IL31RA: variants seen among roughly 807,000 people sequenced by gnomAD.
IL31RA encodes interleukin 31 receptor A.
A neutral mutation model predicts 83.7 loss-of-function variants in IL31RA; 66 were observed. The ratio of observed to expected loss-of-function variants is 0.79; its 90% CI spans 0.65 to 0.97. The LOEUF is 0.97. IL31RA is among the 50% of genes least tolerant of loss of function. IL31RA has a pLI of 0.00. For synonymous variants in IL31RA, 325 were observed against 329.0 expected (o/e 0.99, Z 0.13); for missense variants, 798 against 919.4 (o/e 0.87, Z 1.71).
chr5:55,912,344 C>T (rs1425295909), intron 12 of IL31RA, among the ~76,000 whole-genome samples: 1 of 152,220 alleles, frequency 6.6e-6, no homozygotes, highest in Non-Finnish European at 1.5e-5. Flanking sequence ...TTTCCTACTG[C>T]TTTCTGCCTC....
chr5:55,902,001 T>C (rs1748849873), intron 8 of IL31RA, among the ~76,000 whole-genome samples: 1 of 152,190 alleles, frequency 6.6e-6, no homozygotes, highest in African/African-American at 2.4e-5. Flanking sequence ...AAATACACTT[T>C]AAAGTTATGC....
intron 2 of IL31RA, among the ~76,000 whole-genome samples, chr5:55,865,219 TG>T (rs1745974430): frequency 6.6e-6 from 1 of 152,232 alleles, no homozygotes; most frequent in African/African-American, 2.4e-5. Context: ...CAGTTAACTT[TG>T]GTCTTTTTAA....
chr5:55,883,432 A>T (rs1417356014), intron 5 of IL31RA, among the ~76,000 whole-genome samples: 2 of 152,202 alleles, frequency 1.3e-5, no homozygotes, highest in East Asian at 3.8e-4. Context: ...AAAGAGTGAG[A>T]AATTTACTTC....
At position 55,896,404 on chromosome 5, in the gene IL31RA, G is replaced by A. The variant is rs1245564977; in HGVS notation, c.827G>A (p.Arg276Lys). 1.2e-6 allele frequency: 2 copies of A among 1,613,406 alleles called. No homozygotes were observed. Among genetic ancestry groups the A allele is most frequent in the African/African-American group, 2.7e-5 (2 of 74,880 alleles). ...CTGAAACCAGCTGAGGCGGATGGAA[G>A]AAGGCCAGTGCGGTTGTTATGGAAG... is the stretch of plus-strand genomic sequence containing the variant. ...RVLKPAEADGRRPVRLLWKKA... is the reference protein window; with the variant it reads ...RVLKPAEADGKRPVRLLWKKA... The change falls in exon 7 of 15, where the codon AGA becomes AAA. Residue 276 changes from arginine (R) to lysine (K), a missense_variant. Transcript: ENST00000652347.
intron 1 of IL31RA, among the ~76,000 whole-genome samples, chr5:55,858,207 T>C (rs929291281): frequency 2.0e-5 from 3 of 152,222 alleles, no homozygotes; most frequent in African/African-American, 7.2e-5. Flanking sequence ...AGTTTTAGCA[T>C]CTATTATTAT....
At chr5:55,854,066 G>A (rs371678305) in intron 1 of IL31RA, among the ~76,000 whole-genome samples, 4 of 152,276 alleles carry the variant, frequency 2.6e-5, no homozygotes, top group Admixed American at 6.5e-5. Context: ...TTCCATATCC[G>A]TAAACTAGAG....
rs760721501 is a variant in IL31RA at position 55,918,900 on chromosome 5, A to C, written c.*1780A>C. Among the ~76,000 whole-genome samples the C allele has an allele frequency of 4.6e-5, 7 of 152,222 alleles. No individual in the cohort carries two copies. The highest frequency in any genetic ancestry group is 2.9e-5 in the Non-Finnish European group (2 of 67,996). ...GCCCGAGGCAGGGCACTGGGGAATA[A>C]GACTCTAGGGCAATGCCCCTGTCCC... On this transcript the variant is annotated 3_prime_UTR_variant, in exon 15 of 15. Transcript: ENST00000652347.
Position 55,913,546 on chromosome 5 carries a change from T to C in IL31RA, c.1712T>C (p.Val571Ala), listed in dbSNP as rs754796886. Reference protein sequence around the residue: ...GGLLILIILTVAYGLKKPNKL... With the variant: ...GGLLILIILTAAYGLKKPNKL... ...CTTCTTATTCTCATTATCCTGACAG[T>C]GGCATATGGTCTCAAAAAACCCAAG... The change falls in exon 13 of 15, where the codon GTG (valine) becomes GCG (alanine). Residue 571 changes from valine to alanine, a missense_variant. Transcript: ENST00000652347. The C allele has an allele frequency of 6.2e-7, 1 of 1,612,716 alleles. No homozygotes were observed. The highest frequency in any genetic ancestry group is 1.1e-5 in the South Asian group (1 of 91,048).
At chr5:55,845,104 G>A in the IL31RA span, among the ~76,000 whole-genome samples, 213 of 152,236 alleles carry the variant, frequency 1.4e-3, 1 homozygote, top group Middle Eastern at 0.017. Context: ...CCATATCAGG[G>A]TCTGGTTGTG....
At chr5:55,882,461 CAA>C (rs199529922) in intron 4 of IL31RA, among the ~76,000 whole-genome samples, 3,065 of 152,104 alleles carry the variant, frequency 0.02, 116 homozygotes, top group African/African-American at 0.07. Flanking sequence ...GGAAATATAA[CAA>C]AATGGTAATA....
chr5:55,851,000 C>T (rs1745041167), upstream of IL31RA, among the ~76,000 whole-genome samples: 1 of 151,722 alleles, frequency 6.6e-6, no homozygotes, highest in Non-Finnish European at 1.5e-5. Flanking sequence ...TGGCCTGAGG[C>T]AGGAGAATCA....
chr5:55,856,829 A>G (rs958954035), intron 1 of IL31RA, among the ~76,000 whole-genome samples: 7 of 152,164 alleles, frequency 4.6e-5, no homozygotes, highest in Admixed American at 3.3e-4. Context: ...TTAACCATCA[A>G]TATTTTACAT....
intron 1 of IL31RA, 128 bp from the exon 2 acceptor site, chr5:55,859,381 T>C (rs941553044): frequency 5.3e-5 from 39 of 729,250 alleles, no homozygotes; most frequent in Admixed American, 4.2e-4. Flanking sequence ...TAGGTGATGA[T>C]AGTCAACAAA....
chr5:55,891,289 G>A (rs183982107), intron 6 of IL31RA, among the ~76,000 whole-genome samples: 2 of 152,266 alleles, frequency 1.3e-5, no homozygotes, highest in Admixed American at 1.3e-4. Flanking sequence ...CTCAGTGGAC[G>A]ATCAATAAAT....
intron 5 of IL31RA, among the ~76,000 whole-genome samples, chr5:55,888,348 T>G (rs988876614): frequency 1.3e-5 from 2 of 152,142 alleles, no homozygotes; most frequent in African/African-American, 4.8e-5. Flanking sequence ...GCACCTTGAT[T>G]AAAAGACTGA....
chr5:55,880,220 G>A (rs1414647400), intron 4 of IL31RA, among the ~76,000 whole-genome samples: 1 of 152,082 alleles, frequency 6.6e-6, no homozygotes, highest in African/African-American at 2.4e-5. Context: ...GTGGCCACAC[G>A]GATTGATGAC....
intron 8 of IL31RA, among the ~76,000 whole-genome samples, chr5:55,905,021 G>A (rs1749057562): frequency 6.6e-6 from 1 of 151,516 alleles, no homozygotes; most frequent in Non-Finnish European, 1.5e-5. Flanking sequence ...CCAACATGGT[G>A]AAACCCCATC....
In IL31RA at chr5:55,922,446, T is replaced by C. The variant is rs1750139086; in HGVS notation, c.*5326T>C. 6.5e-7 allele frequency: 1 copy of C among 1,549,400 alleles called. No individual in the cohort carries two copies. The highest frequency in any genetic ancestry group is 1.2e-5 in the South Asian group (1 of 83,994). ...ACTTCAATATAAGTGTGGACTAAAATGCGAGAAAGGTGTCCTGTGGTCTAT... is the reference window on the plus strand; with the variant it reads ...ACTTCAATATAAGTGTGGACTAAAACGCGAGAAAGGTGTCCTGTGGTCTAT... On this transcript the variant is annotated 3_prime_UTR_variant, in exon 15 of 15. Transcript: ENST00000652347.
chr5:55,881,340 G>A (rs973845079), intron 4 of IL31RA, among the ~76,000 whole-genome samples: 2 of 151,620 alleles, frequency 1.3e-5, no homozygotes, highest in Non-Finnish European at 2.9e-5. Flanking sequence ...AGAAAAAAAA[G>A]CTTTAGAGCA....
Sources: gnomAD v4.1 joint callset for allele counts (sites outside exome capture counted in the v4.1 genomes callset) on GRCh38, gnomAD v4.1.1 for gene constraint, MANE v1.5 for transcripts, NCBI Gene and HGNC (gene_info 2026-07-23, HGNC 2026-07-21) for gene names.